Variants in UNC13C observed in about 807,000 individuals in gnomAD.
UNC13C encodes the protein protein unc-13 homolog C.
Under a neutral mutation model 245.4 loss-of-function variants are expected in UNC13C, and 174 were observed. The ratio of observed to expected loss-of-function variants is 0.71; its 90% CI spans 0.63 to 0.80. The LOEUF (loss-of-function observed/expected upper bound fraction) is 0.80. Among genes scored for constraint, UNC13C ranks in the 30% least tolerant of loss-of-function variants. UNC13C has a pLI of 0.00. For synonymous variants in UNC13C, 992 were observed against 895.1 expected (o/e 1.11, Z -1.93); for missense variants, 2,829 against 2,602.9 (o/e 1.09, Z -1.89).
At chr15:54,231,339 A>G (rs986780849) in intron 4 of UNC13C, among the ~76,000 whole-genome samples, 1 of 152,060 alleles carries the variant, frequency 6.6e-6, no homozygotes, top group African/African-American at 2.4e-5. Context: ...AATACAAAAT[A>G]ATATTAATTG....
intron 23 of UNC13C, among the ~76,000 whole-genome samples, chr15:54,507,847 G>A (rs1265948015): frequency 6.8e-6 from 1 of 146,106 alleles, no homozygotes; most frequent in East Asian, 1.9e-4. Flanking sequence ...AAAAACAGTA[G>A]CTCTGAAAAA....
chr15:54,466,405 T>C (rs1445700307), intron 19 of UNC13C, among the ~76,000 whole-genome samples: 3 of 151,986 alleles, frequency 2.0e-5, no homozygotes, highest in South Asian at 2.1e-4. Context: ...TCATTTCACA[T>C]AGTATGCATG....
At chr15:54,568,644 C>G (rs111974260) in intron 30 of UNC13C, among the ~76,000 whole-genome samples, 2,533 of 152,020 alleles carry the variant, frequency 0.017, 66 homozygotes, top group African/African-American at 0.055. Flanking sequence ...AATGTCAGTA[C>G]GAGTCAAAAG....
At chr15:54,607,667 A>G (rs1298672126) in intron 30 of UNC13C, among the ~76,000 whole-genome samples, 2 of 152,190 alleles carry the variant, frequency 1.3e-5, no homozygotes, top group Non-Finnish European at 2.9e-5. Flanking sequence ...CATGGCTGGG[A>G]GACCTCAGGA....
intron 30 of UNC13C, among the ~76,000 whole-genome samples, chr15:54,601,490 A>G (rs1388233868): frequency 6.6e-6 from 1 of 152,234 alleles, no homozygotes; most frequent in Non-Finnish European, 1.5e-5. Flanking sequence ...ACCAATACAC[A>G]GAAGAAAAGA....
chr15:53,932,899 A>G, the UNC13C span, among the ~76,000 whole-genome samples: 3 of 152,190 alleles, frequency 2.0e-5, no homozygotes, highest in African/African-American at 4.8e-5. Context: ...TTATAATTAA[A>G]CATGCCAAAA....
In UNC13C at chr15:54,296,518, C is replaced by T. The variant is rs557069087; in HGVS notation, c.3989-1293C>T. 6.6e-5 allele frequency among the ~76,000 whole-genome samples: 10 copies of T among 152,100 alleles called. No individual in the cohort carries two copies. The East Asian group carries it at 1.9e-3, about 29-fold the overall frequency. ...CAGGCGTGAGCCATCGCGCCGGGCCCAGCAGAGAATTTTAATATTTCTTGA... is the reference window on the plus strand; with the variant it reads ...CAGGCGTGAGCCATCGCGCCGGGCCTAGCAGAGAATTTTAATATTTCTTGA... On this transcript the variant is annotated intron_variant, in intron 11 of 32. Coordinates refer to ENST00000260323, the MANE Select transcript of UNC13C (RefSeq NM_001080534.3).
the UNC13C span, among the ~76,000 whole-genome samples, chr15:53,887,056 G>T: frequency 2.6e-5 from 4 of 152,116 alleles, no homozygotes; most frequent in Admixed American, 6.5e-5. Flanking sequence ...ACAGAAAAAG[G>T]ACACTTGGTG....
chr15:54,144,089 T>G (rs950971646), intron 4 of UNC13C, among the ~76,000 whole-genome samples: 1 of 152,168 alleles, frequency 6.6e-6, no homozygotes, highest in Non-Finnish European at 1.5e-5. Flanking sequence ...ATGAATATAA[T>G]CTATACTATT....
chr15:53,959,160 A>G, the UNC13C span, among the ~76,000 whole-genome samples: 1 of 152,134 alleles, frequency 6.6e-6, no homozygotes, highest in African/African-American at 2.4e-5. Flanking sequence ...TTTACTGTGT[A>G]TATATCACAT....
the UNC13C span, among the ~76,000 whole-genome samples, chr15:53,939,469 C>T: frequency 6.6e-6 from 1 of 152,130 alleles, no homozygotes; most frequent in African/African-American, 2.4e-5. Context: ...ACAAGGCACT[C>T]CTCCCTAACT....
At chr15:54,323,224 T>G (rs560941474) in intron 14 of UNC13C, among the ~76,000 whole-genome samples, 8 of 152,132 alleles carry the variant, frequency 5.3e-5, no homozygotes, top group African/African-American at 1.9e-4. Context: ...GGGAAAAAGA[T>G]GTGCTCCTGT....
At chr15:54,282,699 G>C (rs937833356) in intron 10 of UNC13C, among the ~76,000 whole-genome samples, 2 of 152,096 alleles carry the variant, frequency 1.3e-5, no homozygotes, top group African/African-American at 4.8e-5. Context: ...CTTCCTACCT[G>C]CACTCAGTGG....
chr15:54,543,061 T>G (rs1896319521), intron 26 of UNC13C, among the ~76,000 whole-genome samples: 1 of 152,206 alleles, frequency 6.6e-6, no homozygotes, highest in African/African-American at 2.4e-5. Context: ...CTGGTTATTT[T>G]GCCCATTAGT....
intron 8 of UNC13C, among the ~76,000 whole-genome samples, chr15:54,254,661 T>C (rs1338306563): frequency 6.6e-6 from 1 of 152,160 alleles, no homozygotes; most frequent in East Asian, 1.9e-4. Context: ...TTCAGAAGAT[T>C]TAGTGTCTCA....
intron 19 of UNC13C, among the ~76,000 whole-genome samples, chr15:54,488,735 C>T (rs997652251): frequency 2.0e-5 from 3 of 152,062 alleles, no homozygotes; most frequent in Admixed American, 6.5e-5. Flanking sequence ...TTTTAATGAA[C>T]CATTTTTATT....
chr15:53,848,665 GT>G, the UNC13C span, among the ~76,000 whole-genome samples: 1 of 152,048 alleles, frequency 6.6e-6, no homozygotes. Context: ...TAGGTCTTGT[GT>G]GTTTCTATTG....
chr15:54,246,750 G>T (rs1475110709), intron 7 of UNC13C, among the ~76,000 whole-genome samples: 1 of 151,290 alleles, frequency 6.6e-6, no homozygotes, highest in Non-Finnish European at 1.5e-5. Flanking sequence ...GTGGCCTATC[G>T]GAGGGTGGGG....
chr15:54,009,090 T>C (rs1895266663), intron 1 of UNC13C, among the ~76,000 whole-genome samples: 1 of 152,202 alleles, frequency 6.6e-6, no homozygotes, highest in Non-Finnish European at 1.5e-5. Flanking sequence ...CTAAAGCATC[T>C]ATGGTTTTAT....
Sources: gnomAD v4.1 joint callset for allele counts (sites outside exome capture counted in the v4.1 genomes callset) on GRCh38, gnomAD v4.1.1 for gene constraint, MANE v1.5 for transcripts, NCBI Gene and HGNC (gene_info 2026-07-23, HGNC 2026-07-21) for gene names.